TRMT11: variants seen among roughly 807,000 people sequenced by gnomAD.
The protein encoded by TRMT11 is tRNA (guanine(10)-N(2))-methyltransferase TRMT11.
In TRMT11, 53 loss-of-function variants were observed where a neutral mutation model predicts 62.8. The ratio of observed to expected loss-of-function variants is 0.84; its 90% CI spans 0.68 to 1.06. The LOEUF is 1.06. TRMT11 is among the 50% of genes least tolerant of loss of function. TRMT11 has a pLI of 0.00. For synonymous variants in TRMT11, 188 were observed against 190.3 expected, an observed-to-expected ratio of 0.99 and a Z score of 0.10; for missense variants, 556 against 553.4, an observed-to-expected ratio of 1.00 and a Z score of -0.05.
chr6:126,177,385 C>T (rs902933656), intron 1 of TRMT11: 2 of 152,150 alleles, frequency 1.3e-5, no homozygotes, highest in African/African-American at 4.8e-5. Flanking sequence ...TAATGAAAAA[C>T]AGCAGTACTC....
intron 17 of TRMT11, among the ~76,000 whole-genome samples, chr6:126,074,132 G>A (rs1776942017): frequency 6.6e-6 from 1 of 152,122 alleles, no homozygotes; most frequent in Non-Finnish European, 1.5e-5. Flanking sequence ...ATCACTCCAG[G>A]AGATTCTTTT....
At chr6:126,091,203 C>CAAAA (rs34621211) in intron 17 of TRMT11, among the ~76,000 whole-genome samples, 14 of 132,302 alleles carry the variant, frequency 1.1e-4, no homozygotes, top group Admixed American at 7.5e-5. Flanking sequence ...GACTCCATCT[C>CAAAA]AAAAAAAAAA....
At chr6:126,110,881 A>C (rs1221688171) in intron 17 of TRMT11, among the ~76,000 whole-genome samples, 2 of 152,140 alleles carry the variant, frequency 1.3e-5, no homozygotes, top group East Asian at 3.9e-4. Flanking sequence ...AACTCTACTT[A>C]GTGGATTTAT....
intron 17 of TRMT11, among the ~76,000 whole-genome samples, chr6:126,089,140 G>A (rs1374033936): frequency 6.7e-6 from 1 of 150,046 alleles, no homozygotes; most frequent in East Asian, 2.0e-4. Flanking sequence ...CCAAGATGGA[G>A]TCTTGCTCTG....
intron 17 of TRMT11, among the ~76,000 whole-genome samples, chr6:126,058,288 TC>T (rs1360979871): frequency 7.9e-5 from 12 of 152,334 alleles, no homozygotes; most frequent in Admixed American, 1.3e-4. Context: ...CATGAACTCC[TC>T]CTTTTTTATG....
At chr6:126,116,351 G>C (rs1777586865) in intron 21 of TRMT11, among the ~76,000 whole-genome samples, 1 of 152,128 alleles carries the variant, frequency 6.6e-6, no homozygotes, top group East Asian at 1.9e-4. Flanking sequence ...TATTTTGCTA[G>C]GTCTGTCTTA....
At chr6:126,117,706 G>C (rs184779511) in intron 21 of TRMT11, among the ~76,000 whole-genome samples, 225 of 152,184 alleles carry the variant, frequency 1.5e-3, no homozygotes, top group African/African-American at 5.2e-3. Context: ...CCCGCCATCT[G>C]ATTAGGAAAA....
intron 17 of TRMT11, among the ~76,000 whole-genome samples, chr6:126,081,716 C>G (rs1777160857): frequency 6.6e-6 from 1 of 152,096 alleles, no homozygotes; most frequent in Admixed American, 6.6e-5. Context: ...TACTGAGTTA[C>G]CCAATAGGCT....
intron 16 of TRMT11, among the ~76,000 whole-genome samples, chr6:126,044,894 C>T (rs1218128942): frequency 6.6e-6 from 1 of 151,520 alleles, no homozygotes; most frequent in Non-Finnish European, 1.5e-5. Flanking sequence ...TGTTAAAATG[C>T]TGATTATCAG....
the TRMT11 span, among the ~76,000 whole-genome samples, chr6:126,210,354 A>C: frequency 6.6e-6 from 1 of 152,208 alleles, no homozygotes; most frequent in African/African-American, 2.4e-5. Flanking sequence ...TCCTATGACC[A>C]CAAAGAACTA....
intron 21 of TRMT11, among the ~76,000 whole-genome samples, chr6:126,133,949 CCTT>C (rs1476766533): frequency 2.6e-4 from 39 of 151,932 alleles, no homozygotes; most frequent in African/African-American, 8.9e-4. Context: ...CTTGAGCAAA[CCTT>C]CTGTAATGAG....
chr6:126,009,235 G>T lies in TRMT11; in HGVS notation c.760+763G>T, dbSNP rs570638942. 8 of 151,968 alleles carry T rather than the reference G, an allele frequency of 5.3e-5. No individual in the cohort carries two copies. The East Asian group carries it at 1.5e-3, about 29-fold the overall frequency. The allele number at this position is 151,968 out of a possible 1,614,324, so 9.4% of individuals were successfully genotyped here. On this transcript the variant is annotated intron_variant, in intron 8 of 12. Coordinates refer to ENST00000334379, the MANE Select transcript of TRMT11 (RefSeq NM_001031712.3). ...AACTAGTCTTTGAGGTACTATTTAT[G>T]TTTCTAATTTTATAACTGACCAAAA... is the stretch of plus-strand genomic sequence containing the variant.
chr6:126,191,292 G>GT (rs1035385424), intron 1 of TRMT11, among the ~76,000 whole-genome samples: 4 of 151,470 alleles, frequency 2.6e-5, no homozygotes, highest in African/African-American at 4.8e-5. Flanking sequence ...CAGATTACTA[G>GT]TTTTTTTTCT....
chr6:126,025,973 G>A (rs756544497), intron 12 of TRMT11, among the ~76,000 whole-genome samples: 2 of 152,122 alleles, frequency 1.3e-5, no homozygotes, highest in Non-Finnish European at 2.9e-5. Flanking sequence ...TTGGATTATT[G>A]GTCATAGTTT....
chr6:126,067,021 A>C (rs1026643189), intron 17 of TRMT11, among the ~76,000 whole-genome samples: 5 of 152,046 alleles, frequency 3.3e-5, no homozygotes, highest in Non-Finnish European at 7.4e-5. Flanking sequence ...TGAGGTCAGG[A>C]GTTTGAGACC....
chr6:126,148,063 C>G (rs1241086523), intron 21 of TRMT11, among the ~76,000 whole-genome samples: 1 of 152,048 alleles, frequency 6.6e-6, no homozygotes, highest in East Asian at 1.9e-4. Context: ...AAAAAAATTC[C>G]TGAGATTGTA....
intron 1 of TRMT11, 23 bp downstream of exon 1, chr6:125,986,645 A>C: frequency 6.4e-7 from 1 of 1,567,190 alleles, no homozygotes. Context: ...CGCCCTCCGG[A>C]ACTTCCGACG....
At chr6:126,127,501 A>G (rs1434488279) in intron 21 of TRMT11, among the ~76,000 whole-genome samples, 1 of 151,190 alleles carries the variant, frequency 6.6e-6, no homozygotes, top group African/African-American at 2.4e-5. Context: ...TTTTTTAATT[A>G]TACTTTAAGT....
intron 17 of TRMT11, among the ~76,000 whole-genome samples, chr6:126,106,802 A>G (rs1777469883): frequency 6.6e-6 from 1 of 152,138 alleles, no homozygotes; most frequent in African/African-American, 2.4e-5. Context: ...CATGTTACCT[A>G]TGACTTGAAT....
Sources: allele counts gnomAD v4.1 joint callset (sites outside exome capture counted in the v4.1 genomes callset), GRCh38; gene constraint gnomAD v4.1.1; transcripts MANE v1.5; gene names NCBI Gene and HGNC (gene_info 2026-07-23, HGNC 2026-07-21).